MYO16: variants seen among roughly 807,000 people sequenced by gnomAD.
The protein encoded by MYO16 is myosin XVI, also known as unconventional myosin-XVI.
A neutral mutation model predicts 205.3 loss-of-function variants in MYO16; 94 were observed. The ratio of observed to expected loss-of-function variants is 0.46; its 90% CI spans 0.39 to 0.54. The LOEUF (loss-of-function observed/expected upper bound fraction) is 0.54. MYO16 is among the 20% of genes least tolerant of loss of function. The pLI is 0.00. For missense variants in MYO16, 2,315 were observed against 2,387.5 expected (o/e 0.97, Z 0.63); for synonymous variants, 988 against 954.0 (o/e 1.04, Z -0.66).
intron 3 of MYO16, among the ~76,000 whole-genome samples, chr13:108,721,916 A>T (rs1314948619): frequency 2.0e-5 from 3 of 152,282 alleles, no homozygotes; most frequent in East Asian, 1.9e-4. Flanking sequence ...CTAGGAGCTT[A>T]GTTGATTAAA....
intron 9 of MYO16, among the ~76,000 whole-genome samples, chr13:108,840,123 A>C (rs754550953): frequency 6.6e-6 from 1 of 152,210 alleles, no homozygotes; most frequent in Non-Finnish European, 1.5e-5. Flanking sequence ...ATGCATGCCC[A>C]TACATCTGTA....
chr13:108,740,131 CA>C (rs1884851675), intron 4 of MYO16, among the ~76,000 whole-genome samples: 1 of 149,036 alleles, frequency 6.7e-6, no homozygotes, highest in African/African-American at 2.5e-5. Context: ...CCTCTTCTCT[CA>C]ACTCGTCACA....
intron 16 of MYO16, among the ~76,000 whole-genome samples, chr13:108,923,095 G>A (rs1881819174): frequency 6.6e-6 from 1 of 152,112 alleles, no homozygotes; most frequent in Admixed American, 6.5e-5. Context: ...GTAAAAACAG[G>A]TGAAAGATTT....
intron 2 of MYO16, among the ~76,000 whole-genome samples, chr13:108,693,255 T>G (rs965513650): frequency 3.3e-5 from 5 of 152,220 alleles, no homozygotes; most frequent in Admixed American, 3.3e-4. Context: ...ACTCATCATT[T>G]TGACCATTTT....
At chr13:109,098,037 GCTC>G (rs1483728554) in intron 27 of MYO16, among the ~76,000 whole-genome samples, 1 of 15,026 alleles carries the variant, frequency 6.7e-5, no homozygotes. Flanking sequence ...AGACTGTGTG[GCTC>G]ATGAGCAACA....
At chr13:109,122,033 G>T (rs935841347) in intron 29 of MYO16, among the ~76,000 whole-genome samples, 1 of 152,182 alleles carries the variant, frequency 6.6e-6, no homozygotes, top group African/African-American at 2.4e-5. Flanking sequence ...GTTTGGCCCT[G>T]CCCCAACCCA....
At chr13:108,999,111 T>A (rs1885131539) in intron 21 of MYO16, among the ~76,000 whole-genome samples, 1 of 152,172 alleles carries the variant, frequency 6.6e-6, no homozygotes, top group African/African-American at 2.4e-5. Context: ...AAATGGGTAA[T>A]GGTTGCTATA....
At chr13:108,811,398 T>C (rs960512396) in intron 7 of MYO16, among the ~76,000 whole-genome samples, 1 of 152,122 alleles carries the variant, frequency 6.6e-6, no homozygotes, top group African/African-American at 2.4e-5. Flanking sequence ...TTGCCATGTC[T>C]TTGAGAAATA....
At position 108,665,743 on chromosome 13, in the gene MYO16, T is replaced by C. The variant is rs924696610; in HGVS notation, c.29-143T>C. 9 of 836,208 alleles carry C rather than the reference T, an allele frequency of 1.1e-5. No individual in the cohort carries two copies. In the African/African-American group the frequency reaches 1.2e-4, roughly 11 times the overall value. The allele number at this position is 836,208 out of a possible 1,614,324, so 51.8% of individuals were successfully genotyped here. On this transcript the variant is annotated intron_variant, in intron 1 of 34. Transcript: ENST00000457511. ...TTTTCCCCAATCTATAAAAAGGGCTTTGGATTTGCAATATCAAGTGCAAGG... is the reference window on the plus strand; with the variant it reads ...TTTTCCCCAATCTATAAAAAGGGCTCTGGATTTGCAATATCAAGTGCAAGG...
At chr13:109,174,008 C>G (rs1178840031) in intron 33 of MYO16, among the ~76,000 whole-genome samples, 1 of 143,258 alleles carries the variant, frequency 7.0e-6, no homozygotes, top group Non-Finnish European at 1.5e-5. Flanking sequence ...CCAGGGTGAA[C>G]AATAGAATTG....
chr13:109,185,087 G>T (rs560911599), intron 34 of MYO16, among the ~76,000 whole-genome samples: 1 of 152,248 alleles, frequency 6.6e-6, no homozygotes, highest in East Asian at 1.9e-4. Flanking sequence ...CATTTTTAAA[G>T]AGGAAAAAGT....
chr13:109,002,554 T>G (rs535813269), intron 21 of MYO16, among the ~76,000 whole-genome samples: 1 of 152,318 alleles, frequency 6.6e-6, no homozygotes, highest in Admixed American at 6.5e-5. Flanking sequence ...TTGATAATTA[T>G]TCATGAGCAT....
rs943397528 is a variant in MYO16, at chr13:108,830,666, C to T, written c.1097+7388C>T. Among the ~76,000 whole-genome samples the T allele has an allele frequency of 2.0e-5, 3 of 149,726 alleles. No individual in the cohort carries two copies. In the East Asian group the frequency reaches 6.0e-4, roughly 30 times the overall value. The stretch of plus-strand genomic sequence containing the variant: ...GGGAGATATACCTAATGCTAGATGA[C>T]GAGTTAGTGGGTGCAGCGCACCAGC... On this transcript the variant is annotated intron_variant, in intron 9 of 34. Coordinates refer to ENST00000457511, the MANE Select transcript of MYO16 (RefSeq NM_001198950.3).
chr13:108,619,900 G>A (rs545152298), intron 1 of MYO16, among the ~76,000 whole-genome samples: 17 of 152,264 alleles, frequency 1.1e-4, no homozygotes, highest in African/African-American at 3.6e-4. Context: ...CAGAAGAAAG[G>A]CCTGTGCTAG....
chr13:108,731,768 A>G (rs1884530268), intron 4 of MYO16, among the ~76,000 whole-genome samples: 2 of 152,232 alleles, frequency 1.3e-5, no homozygotes, highest in African/African-American at 2.4e-5. Flanking sequence ...ATGTGTGAAC[A>G]TAAGGCCTGC....
At chr13:108,682,308 T>G (rs770280541) in intron 2 of MYO16, among the ~76,000 whole-genome samples, 1 of 152,186 alleles carries the variant, frequency 6.6e-6, no homozygotes, top group Non-Finnish European at 1.5e-5. Context: ...GTGGTTCATT[T>G]TCTGCCTATT....
At chr13:108,525,370 C>T in the MYO16 span, among the ~76,000 whole-genome samples, 3 of 152,154 alleles carry the variant, frequency 2.0e-5, no homozygotes, top group African/African-American at 7.2e-5. Flanking sequence ...AATGAAATGA[C>T]GGATACCATT....
intron 1 of MYO16, among the ~76,000 whole-genome samples, chr13:108,632,536 A>G (rs899816105): frequency 2.6e-5 from 4 of 152,206 alleles, no homozygotes; most frequent in African/African-American, 9.6e-5. Context: ...TGAAAAAATT[A>G]TACGCTTCAA....
intron 4 of MYO16, among the ~76,000 whole-genome samples, chr13:108,766,988 A>T (rs1430167042): frequency 1.3e-5 from 2 of 152,194 alleles, no homozygotes; most frequent in Non-Finnish European, 2.9e-5. Flanking sequence ...GAAATAGATA[A>T]ATTGAATACA....
Sources: gnomAD v4.1 joint callset for allele counts (sites outside exome capture counted in the v4.1 genomes callset) on GRCh38, gnomAD v4.1.1 for gene constraint, MANE v1.5 for transcripts, NCBI Gene and HGNC (gene_info 2026-07-23, HGNC 2026-07-21) for gene names.